Variants in KCTD9 observed in about 807,000 individuals in gnomAD.
The protein encoded by KCTD9 is BTB/POZ domain-containing protein KCTD9.
KCTD9 carries 17 observed loss-of-function variants against 53.3 expected under a neutral mutation model. That is an observed-to-expected ratio of 0.32 (90% CI 0.22 to 0.48). The LOEUF is 0.48. Ranked by LOEUF, KCTD9 falls within the 20% of genes least tolerant of loss-of-function variation. The pLI is 0.99. For missense variants in KCTD9, 179 were observed against 465.5 expected (o/e 0.38, Z 5.66); for synonymous variants, 128 against 162.7 (o/e 0.79, Z 1.62).
intron 3 of KCTD9, among the ~76,000 whole-genome samples, chr8:25,442,665 A>G (rs1405954764): frequency 2.0e-5 from 3 of 152,234 alleles, no homozygotes; most frequent in Non-Finnish European, 4.4e-5. Context: ...AGGTAAGTGT[A>G]CGCTTGAAGA....
intron 1 of KCTD9, 102 bp from the exon 2 acceptor site, chr8:25,446,352 T>C (rs1232747040): frequency 9.7e-6 from 13 of 1,337,060 alleles, no homozygotes; most frequent in Admixed American, 6.6e-5. Flanking sequence ...GATTATCATA[T>C]AAAAGGAGAC....
At chr8:25,457,841 G>C (rs922823008) in intron 1 of KCTD9, 3 of 178,066 alleles carry the variant, frequency 1.7e-5, no homozygotes, top group African/African-American at 7.2e-5. Flanking sequence ...GGCGGGAGCG[G>C]GGTCTCGGGG....
At chr8:25,454,655 A>C (rs1156823348) in intron 1 of KCTD9, among the ~76,000 whole-genome samples, 1 of 152,216 alleles carries the variant, frequency 6.6e-6, no homozygotes, top group East Asian at 1.9e-4. Flanking sequence ...ACAAAAACAA[A>C]AAAAACCCTC....
intron 1 of KCTD9, among the ~76,000 whole-genome samples, chr8:25,450,119 T>A (rs569978576): frequency 3.3e-4 from 51 of 152,376 alleles, no homozygotes; most frequent in African/African-American, 1.2e-3. Flanking sequence ...AGGTATAAAT[T>A]GAATTCAACT....
Position 25,458,343 on chromosome 8 carries a change from C to A in KCTD9, c.-97G>T. The A allele has an allele frequency of 7.1e-7, 1 of 1,400,958 alleles. No individual in the cohort carries two copies. The highest frequency in any genetic ancestry group is 1.2e-5 in the South Asian group (1 of 82,692). The allele number at this position is 1,400,958 out of a possible 1,614,324, so 86.8% of individuals were successfully genotyped here. ...CCCGCCCTTCCCCTCCCTCCACCCA[C>A]TCGGATTCGCCTCCCTTCGCCACCT... On this transcript the variant is annotated 5_prime_UTR_variant, in exon 1 of 12. Transcript: ENST00000221200.
At chr8:25,436,558 A>T in intron 6 of KCTD9, 73 bp from the exon 7 acceptor site, 1 of 883,624 alleles carries the variant, frequency 1.1e-6, no homozygotes, top group Non-Finnish European at 1.7e-6. Context: ...ATTTACTAAA[A>T]TACGATTAGT....
At chr8:25,457,956 C>T (rs1342672834) in intron 1 of KCTD9, among the ~76,000 whole-genome samples, 3 of 151,322 alleles carry the variant, frequency 2.0e-5, no homozygotes, top group Non-Finnish European at 4.4e-5. Flanking sequence ...GACCCGGAGC[C>T]CCCGGGCCGA....
intron 1 of KCTD9, among the ~76,000 whole-genome samples, chr8:25,451,854 C>T (rs971181510): frequency 3.9e-5 from 6 of 152,050 alleles, no homozygotes; most frequent in African/African-American, 1.4e-4. Context: ...ACAATAAATA[C>T]ACAAGTATTT....
intron 1 of KCTD9, chr8:25,457,311 T>C (rs1802466245): frequency 1.0e-6 from 1 of 973,920 alleles, no homozygotes; most frequent in Middle Eastern, 5.2e-4. Context: ...CTTAGACTCG[T>C]AAAGGCTGAG....
intron 1 of KCTD9, among the ~76,000 whole-genome samples, chr8:25,453,902 C>G (rs1442697850): frequency 1.3e-5 from 2 of 152,124 alleles, no homozygotes; most frequent in Non-Finnish European, 2.9e-5. Context: ...AATGTTCAAG[C>G]TTAAAAAGTG....
At chr8:25,451,332 C>T (rs1802315899) in intron 1 of KCTD9, 1 of 152,122 alleles carries the variant, frequency 6.6e-6, no homozygotes, top group Admixed American at 6.5e-5. Flanking sequence ...CTTTATATAA[C>T]TCTTTTGAGA....
intron 11 of KCTD9, 36 bp downstream of exon 11, chr8:25,432,468 G>A (rs976353454): frequency 6.3e-7 from 1 of 1,585,942 alleles, no homozygotes; most frequent in Non-Finnish European, 8.6e-7. Context: ...AGTAAGTCTA[G>A]AGTAATAAAA....
At chr8:25,433,162 A>C (rs1190177563) in intron 10 of KCTD9, among the ~76,000 whole-genome samples, 168 bp downstream of exon 10, 2 of 152,212 alleles carry the variant, frequency 1.3e-5, no homozygotes, top group African/African-American at 4.8e-5. Flanking sequence ...CATTTGACTG[A>C]AACCAAATGG....
chr8:25,446,058 C>T, intron 2 of KCTD9, 71 bp downstream of exon 2: 1 of 1,564,026 alleles, frequency 6.4e-7, no homozygotes, highest in East Asian at 2.3e-5. Context: ...TAAATTACTG[C>T]TTAAGGGAAA....
chr8:25,440,567 A>T lies in KCTD9; in HGVS notation c.311+10T>A, dbSNP rs190843849. ...CATTCTCTTTCTAACACACATACACACACACCTACCGTGTAGTTGTAAAGT... is the reference window on the plus strand; with the variant it reads ...CATTCTCTTTCTAACACACATACACTCACACCTACCGTGTAGTTGTAAAGT... On this transcript the variant is annotated intron_variant, in intron 4 of 11. Coordinates refer to ENST00000221200, the MANE Select transcript of KCTD9 (RefSeq NM_017634.4). 6.3e-4 allele frequency: 975 copies of T among 1,548,278 alleles called. 7 individuals are homozygous for T. The South Asian group carries it at 9.9e-3, about 16-fold the overall frequency.
chr8:25,439,222 AAACTT>A (rs746841527), intron 6 of KCTD9, 52 bp downstream of exon 6: 8 of 1,353,088 alleles, frequency 5.9e-6, no homozygotes, highest in African/African-American at 5.3e-5. Flanking sequence ...TTAAAATCTT[AAACTT>A]ACAAAAATGT....
intron 1 of KCTD9, among the ~76,000 whole-genome samples, chr8:25,447,624 A>G (rs1802238976): frequency 1.3e-5 from 2 of 152,184 alleles, no homozygotes; most frequent in Non-Finnish European, 2.9e-5. Flanking sequence ...TTTCAAAAGC[A>G]GAGTACTCAG....
intron 6 of KCTD9, among the ~76,000 whole-genome samples, chr8:25,437,032 A>T (rs1802029831): frequency 6.6e-6 from 1 of 152,232 alleles, no homozygotes; most frequent in Non-Finnish European, 1.5e-5. Context: ...GTAAGTAGAT[A>T]CAGAAAACCA....
Position 25,458,273 on chromosome 8 carries a change from G to C in KCTD9, c.-27C>G. On this transcript the variant is annotated 5_prime_UTR_variant, in exon 1 of 12. Transcript: ENST00000221200. The stretch of plus-strand genomic sequence containing the variant: ...GCGCTGCCCCCGCTGGGTCCTGAGT[G>C]AGCCGCCACCCTCCCACCTGGTCCT... 6.2e-7 allele frequency: 1 copy of C among 1,609,198 alleles called. No individual in the cohort carries two copies. Among genetic ancestry groups the C allele is most frequent in the South Asian group, 1.1e-5 (1 of 90,894 alleles).
Sources: allele counts gnomAD v4.1 joint callset (sites outside exome capture counted in the v4.1 genomes callset), GRCh38; gene constraint gnomAD v4.1.1; transcripts MANE v1.5; gene names NCBI Gene and HGNC (gene_info 2026-07-23, HGNC 2026-07-21).